LEPR: variants seen among roughly 807,000 people sequenced by gnomAD.
The protein encoded by LEPR is OB receptor.
LEPR carries 56 observed loss-of-function variants against 114.7 expected under a neutral mutation model. That is an observed-to-expected ratio of 0.49 (90% CI 0.39 to 0.61). The LOEUF is 0.61. LEPR is among the 20% of genes least tolerant of loss of function. The pLI is 0.00. For missense variants in LEPR, 1,202 were observed against 1,352.9 expected, an observed-to-expected ratio of 0.89 and a Z score of 1.75; for synonymous variants, 443 against 461.4, an observed-to-expected ratio of 0.96 and a Z score of 0.51.
intron 19 of LEPR, among the ~76,000 whole-genome samples, chr1:65,629,987 G>A (rs1483654992): frequency 1.3e-5 from 2 of 152,008 alleles, no homozygotes; most frequent in South Asian, 2.1e-4. Flanking sequence ...AGAAGTATGC[G>A]ATAAGTCTCC....
chr1:65,614,244 G>A (rs1657389898), intron 14 of LEPR, among the ~76,000 whole-genome samples: 2 of 152,148 alleles, frequency 1.3e-5, no homozygotes, highest in Admixed American at 1.3e-4. Flanking sequence ...CTGAAATGGT[G>A]GGTATATAGC....
At chr1:65,496,438 G>C (rs891583867) in intron 2 of LEPR, among the ~76,000 whole-genome samples, 1 of 152,026 alleles carries the variant, frequency 6.6e-6, no homozygotes, top group African/African-American at 2.4e-5. Flanking sequence ...ATAGCCAGGT[G>C]TGGTTGCACG....
chr1:65,449,336 C>T lies in LEPR; in HGVS notation c.-21+23958C>T, dbSNP rs886719628. On this transcript the variant is annotated intron_variant, in intron 2 of 19. Coordinates refer to ENST00000349533, the MANE Select transcript of LEPR (RefSeq NM_002303.6). ...TGAATTGTTTTGTAGCTGGAGAGTG[C>T]CTCAGGCAGTGAACTCCTCCTGGGG... is the stretch of plus-strand genomic sequence containing the variant. 6.8e-5 allele frequency among the ~76,000 whole-genome samples: 10 copies of T among 146,970 alleles called. No homozygotes were observed. The Admixed American group carries it at 6.9e-4, about 10-fold the overall frequency.
At chr1:65,558,527 T>G (rs866071315) in intron 2 of LEPR, among the ~76,000 whole-genome samples, 9 of 28,098 alleles carry the variant, frequency 3.2e-4, no homozygotes, top group Non-Finnish European at 5.9e-4. Context: ...GAATCAGAAG[T>G]TTTTTTTTTT....
At chr1:65,425,260 C>T (rs1646338005) in intron 1 of LEPR, 43 bp from the exon 2 acceptor site, 2 of 1,567,308 alleles carry the variant, frequency 1.3e-6, no homozygotes, top group African/African-American at 1.4e-5. Context: ...TGCCTGACAA[C>T]CTCTACTGTG....
intron 2 of LEPR, among the ~76,000 whole-genome samples, chr1:65,426,648 A>T (rs1276376107): frequency 6.6e-6 from 1 of 152,188 alleles, no homozygotes; most frequent in Non-Finnish European, 1.5e-5. Flanking sequence ...GGATTCAACA[A>T]GGAGGGAGAG....
At chr1:65,552,042 A>T (rs1652418140) in intron 2 of LEPR, among the ~76,000 whole-genome samples, 2 of 152,132 alleles carry the variant, frequency 1.3e-5, no homozygotes, top group Admixed American at 6.6e-5. Context: ...ATCCTCAGTT[A>T]TAATTTGATT....
At chr1:65,489,883 T>G (rs1261614549) in intron 2 of LEPR, among the ~76,000 whole-genome samples, 1 of 152,122 alleles carries the variant, frequency 6.6e-6, no homozygotes, top group African/African-American at 2.4e-5. Flanking sequence ...AGAGGGGACT[T>G]GATAAAGAAG....
rs144105988 is a variant in LEPR, at chr1:65,603,333, C to T, written c.1403+1373C>T. Among the ~76,000 whole-genome samples the T allele has an allele frequency of 1.7e-3, 238 of 144,108 alleles. 2 individuals are homozygous for T. The highest frequency in any genetic ancestry group is 5.7e-3 in the African/African-American group (224 of 39,074). 94.5% of individuals were successfully genotyped at this position (144,108 alleles called of 152,430 possible). A position where few individuals can be genotyped will look rare whatever the true frequency, so the allele number is the denominator to read the frequency against. On this transcript the variant is annotated intron_variant, in intron 10 of 19. Coordinates refer to ENST00000349533, the MANE Select transcript of LEPR (RefSeq NM_002303.6). ...CCTCACTCCTCATTTTCATTTTTGC[C>T]CACGCACCACCATTTATTCACACAC...
chr1:65,539,251 CT>C (rs11350039), intron 2 of LEPR, among the ~76,000 whole-genome samples: 91,190 of 146,582 alleles, frequency 0.62, 28,834 homozygotes, highest in Middle Eastern at 0.74. Flanking sequence ...TTTGTTAAAG[CT>C]TTTTTTTTTT....
chr1:65,453,854 G>C (rs1286563448), intron 2 of LEPR, among the ~76,000 whole-genome samples: 1 of 151,512 alleles, frequency 6.6e-6, no homozygotes, highest in Non-Finnish European at 1.5e-5. Flanking sequence ...TTTCTGTCTC[G>C]TTGATCTGTC....
intron 2 of LEPR, among the ~76,000 whole-genome samples, chr1:65,463,441 T>C (rs904507035): frequency 1.3e-5 from 2 of 152,212 alleles, no homozygotes; most frequent in Non-Finnish European, 2.9e-5. Flanking sequence ...TAGTATAGTT[T>C]GAAGTCAGAT....
At chr1:65,442,268 C>T (rs1351832573) in intron 2 of LEPR, among the ~76,000 whole-genome samples, 1 of 152,168 alleles carries the variant, frequency 6.6e-6, no homozygotes, top group Non-Finnish European at 1.5e-5. Flanking sequence ...TTATCTTGAC[C>T]AGACTTTCTA....
intron 18 of LEPR, among the ~76,000 whole-genome samples, chr1:65,622,141 T>G (rs910126992): frequency 3.3e-5 from 5 of 152,068 alleles, no homozygotes. Context: ...AAGAATTTAG[T>G]TTTTTAAAAA....
chr1:65,596,245 T>C (rs1025059708), intron 6 of LEPR, among the ~76,000 whole-genome samples: 1 of 152,072 alleles, frequency 6.6e-6, no homozygotes, highest in African/African-American at 2.4e-5. Flanking sequence ...GTAATGAATA[T>C]ACATGGATTG....
intron 2 of LEPR, among the ~76,000 whole-genome samples, chr1:65,540,604 T>A (rs1260312055): frequency 6.6e-6 from 1 of 152,210 alleles, no homozygotes; most frequent in Non-Finnish European, 1.5e-5. Context: ...ATGCTTCCTT[T>A]ATAGTCTACA....
rs1229928699 is a variant in LEPR, at chr1:65,454,201, A to T, written c.-21+28823A>T. ...CTCTGCACGTGAGATGGGTTTCCTG[A>T]ATACAGCACACTGATGGGTCTTGAC... On this transcript the variant is annotated intron_variant, in intron 2 of 19. Coordinates refer to ENST00000349533, the MANE Select transcript of LEPR (RefSeq NM_002303.6). 2.6e-5 allele frequency among the ~76,000 whole-genome samples: 4 copies of T among 152,164 alleles called. No homozygotes were observed. In the South Asian group the frequency reaches 6.2e-4, roughly 24 times the overall value.
chr1:65,492,626 T>C (rs930967449), intron 2 of LEPR, among the ~76,000 whole-genome samples: 1 of 152,016 alleles, frequency 6.6e-6, no homozygotes, highest in African/African-American at 2.4e-5. Context: ...ATCCTAATAG[T>C]GTGGCCATAG....
chr1:65,550,813 C>T (rs781588308), intron 2 of LEPR, among the ~76,000 whole-genome samples: 12 of 152,268 alleles, frequency 7.9e-5, no homozygotes, highest in Non-Finnish European at 1.6e-4. Flanking sequence ...GCGCACAGCG[C>T]GCTGCACCCA....
Sources: gnomAD v4.1 joint callset for allele counts (sites outside exome capture counted in the v4.1 genomes callset) on GRCh38, gnomAD v4.1.1 for gene constraint, MANE v1.5 for transcripts, NCBI Gene and HGNC (gene_info 2026-07-23, HGNC 2026-07-21) for gene names.